Variants in IBTK observed in about 807,000 individuals in gnomAD.
IBTK encodes the protein inhibitor of Bruton tyrosine kinase.
Under a neutral mutation model 154.9 loss-of-function variants are expected in IBTK, and 83 were observed. The observed-to-expected ratio is 0.54, with a 90% CI of 0.45 to 0.64. The LOEUF (loss-of-function observed/expected upper bound fraction) is 0.64. Among genes scored for constraint, IBTK ranks in the 30% least tolerant of loss-of-function variants. The pLI is 0.00. For missense variants in IBTK, 1,332 were observed against 1,584.6 expected, an observed-to-expected ratio of 0.84 and a Z score of 2.71; for synonymous variants, 515 against 536.1, an observed-to-expected ratio of 0.96 and a Z score of 0.54.
intron 16 of IBTK, among the ~76,000 whole-genome samples, chr6:82,209,213 T>A (rs1769533226): frequency 6.6e-6 from 1 of 152,164 alleles, no homozygotes; most frequent in South Asian, 2.1e-4. Flanking sequence ...GCATTTCCGC[T>A]TCTAGGTATA....
rs556037281 is a variant in IBTK, at chr6:82,238,765, G to A, written c.321+1401C>T. Among the ~76,000 whole-genome samples, 11 of 151,850 alleles carry A rather than the reference G, an allele frequency of 7.2e-5. No homozygotes were observed. The South Asian group carries it at 2.3e-3, about 32-fold the overall frequency. ...CATCAATTTCTTTTTTTGAGACAGA[G>A]TCTCACTCTGTCGCCTAGGCTGGAG... On this transcript the variant is annotated intron_variant, in intron 2 of 28. Transcript: ENST00000306270.
chr6:82,240,843 C>T lies in IBTK; in HGVS notation c.-357G>A, dbSNP rs1471725083. On this transcript the variant is annotated splice_region_variant and 5_prime_UTR_variant, in exon 2 of 29. Coordinates refer to ENST00000306270, the MANE Select transcript of IBTK (RefSeq NM_015525.4). Reference sequence around the variant, plus strand: ...TAAATATCCATAATTGCAAGGGTGACCTATAAGAGAAAGAGAAGAGAAAAT... The same window carrying T: ...TAAATATCCATAATTGCAAGGGTGATCTATAAGAGAAAGAGAAGAGAAAAT... The T allele has an allele frequency of 7.4e-6, 3 of 406,596 alleles. No individual in the cohort carries two copies. Among genetic ancestry groups the T allele is most frequent in the Non-Finnish European group, 1.3e-5 (3 of 231,256 alleles). The allele number at this position is 406,596 out of a possible 1,614,324, so 25.2% of individuals were successfully genotyped here.
chr6:82,179,627 C>G (rs1768237355), intron 26 of IBTK, among the ~76,000 whole-genome samples: 1 of 152,150 alleles, frequency 6.6e-6, no homozygotes, highest in Non-Finnish European at 1.5e-5. Context: ...ATACAAAGGT[C>G]ACTGTTGAAC....
At chr6:82,236,642 A>G (rs544680738) in intron 2 of IBTK, among the ~76,000 whole-genome samples, 10 of 152,340 alleles carry the variant, frequency 6.6e-5, no homozygotes, top group African/African-American at 2.4e-4. Context: ...GCATTAAGAA[A>G]CTGACAATTT....
rs753509381 is a variant in IBTK, at chr6:82,181,940, C to T, written c.3664G>A (p.Asp1222Asn). The T allele has an allele frequency of 9.4e-6, 15 of 1,598,536 alleles. No homozygotes were observed. Among genetic ancestry groups the T allele is most frequent in the Non-Finnish European group, 4.3e-6 (5 of 1,176,424 alleles). Residue 1222 changes from aspartate (D) to asparagine (N), a missense_variant, in exon 26 of 29, where the codon GAT becomes AAT. By Grantham distance (23) the Asp-to-Asn change is conservative (BLOSUM62 1). Transcript: ENST00000306270. Reference protein sequence around the residue: ...KKSVTSHSSGDHVKKVSFKGI... With the variant: ...KKSVTSHSSGNHVKKVSFKGI... The stretch of plus-strand genomic sequence containing the variant: ...TTAAAAGAAACTTTTTTGACATGAT[C>T]GCCTGAACTATGGCTAGTAACAGAC...
intron 11 of IBTK, 66 bp from the exon 12 acceptor site, chr6:82,214,895 C>A (rs1769812629): frequency 6.8e-7 from 1 of 1,465,298 alleles, no homozygotes; most frequent in Non-Finnish European, 9.1e-7. Context: ...TCATACCTAG[C>A]CAATTCTCCT....
chr6:82,244,080 T>C (rs1017394049), intron 1 of IBTK, among the ~76,000 whole-genome samples: 1 of 152,154 alleles, frequency 6.6e-6, no homozygotes, highest in African/African-American at 2.4e-5. Flanking sequence ...AATGACATAA[T>C]CTCTCCAAGT....
At chr6:82,207,156 T>C (rs1769445840) in intron 16 of IBTK, among the ~76,000 whole-genome samples, 1 of 152,112 alleles carries the variant, frequency 6.6e-6, no homozygotes, top group Admixed American at 6.5e-5. Flanking sequence ...CATCTCTATT[T>C]GCAGATGACA....
At position 82,240,500 on chromosome 6, in the gene IBTK, A is replaced by G; in HGVS notation, c.-14T>C. 1 of 1,600,454 alleles carries G rather than the reference A, an allele frequency of 6.2e-7. No individual in the cohort carries two copies. The stretch of plus-strand genomic sequence containing the variant: ...GGGTGAACTCATCCTAACTGTTTTT[A>G]TACCACTTACTTCAGAATCGTGAAA... On this transcript the variant is annotated 5_prime_UTR_variant, in exon 2 of 29. Coordinates refer to ENST00000306270, the MANE Select transcript of IBTK (RefSeq NM_015525.4).
chr6:82,176,521 CAAAAA>C (rs749153646), intron 26 of IBTK, among the ~76,000 whole-genome samples: 3 of 61,486 alleles, frequency 4.9e-5, no homozygotes, highest in Admixed American at 1.7e-4. Context: ...GAGTCCGTCT[CAAAAA>C]AAAAAAAAAA....
In IBTK at chr6:82,171,547, G is replaced by C; in HGVS notation, c.3940C>G (p.His1314Asp). ...KPLALIQIEE[H>D]AIQDLLVFYE... ...AAAACCAATAAATCTTGTATGGCAT[G>C]CTCCTCAATCTGAAAGGAGGAAGGG... Residue 1314 changes from histidine to aspartate, a missense_variant, in exon 29 of 29, where the codon CAT (histidine) becomes GAT (aspartate). Physicochemically the swap from His to Asp is moderately conservative, Grantham distance 81. Around this residue, in one of 3 missense-constraint regions of IBTK, gnomAD observed 1,134 missense variants for 1,274.7 expected, o/e 0.89. Transcript: ENST00000306270. The C allele has an allele frequency of 6.3e-7, 1 of 1,598,346 alleles. No homozygotes were observed. Among genetic ancestry groups the C allele is most frequent in the Non-Finnish European group, 8.5e-7 (1 of 1,170,384 alleles).
intron 25 of IBTK, among the ~76,000 whole-genome samples, chr6:82,182,681 A>G (rs192358723): frequency 1.3e-5 from 2 of 152,196 alleles, no homozygotes; most frequent in Admixed American, 1.3e-4. Context: ...AAAACAAAGA[A>G]AACCATATTT....
intron 2 of IBTK, among the ~76,000 whole-genome samples, chr6:82,237,450 G>GA (rs901523943): frequency 2.7e-5 from 4 of 150,088 alleles, no homozygotes; most frequent in African/African-American, 4.9e-5. Flanking sequence ...CCCTGGGGGG[G>GA]AAAAAAAAAG....
At chr6:82,190,430 T>C (rs1172051523) in intron 25 of IBTK, among the ~76,000 whole-genome samples, 4 of 152,122 alleles carry the variant, frequency 2.6e-5, no homozygotes, top group Non-Finnish European at 5.9e-5. Context: ...TCCAGATATT[T>C]TAAGTTACAA....
rs1168835483 is a variant in IBTK, at chr6:82,233,737, G to T, written c.418+422C>A. On this transcript the variant is annotated intron_variant, in intron 3 of 28. Coordinates refer to ENST00000306270, the MANE Select transcript of IBTK (RefSeq NM_015525.4). ...TTTTTTTTTTTTTTTTTTTTGAGAC[G>T]AAGTCTAGCTCTATCACCCAGGCTG... Among the ~76,000 whole-genome samples, 16 of 107,096 alleles carry T rather than the reference G, an allele frequency of 1.5e-4. No individual in the cohort carries two copies. The South Asian group carries it at 4.7e-3, about 31-fold the overall frequency. The allele number at this position is 107,096 out of a possible 152,430, so 70.3% of individuals were successfully genotyped here.
chr6:82,200,561 G>T, intron 20 of IBTK, 26 bp downstream of exon 20: 1 of 1,074,642 alleles, frequency 9.3e-7, no homozygotes. Flanking sequence ...AGGAGGAAAA[G>T]AAAAAAAAAA....
Position 82,247,552 on chromosome 6 carries a change from C to A in IBTK, c.-358+10G>T. 1 of 398,998 alleles carries A rather than the reference C, an allele frequency of 2.5e-6. No individual in the cohort carries two copies. The highest frequency in any genetic ancestry group is 4.4e-6 in the Non-Finnish European group (1 of 226,364). The allele number at this position is 398,998 out of a possible 1,614,324, so 24.7% of individuals were successfully genotyped here. On this transcript the variant is annotated intron_variant, in intron 1 of 28. Transcript: ENST00000306270. ...ACCGCACGGTCGGGCAGCGCCAAGC[C>A]CTCCCTCACCAGTCGCTAGATGAAA...
At chr6:82,194,451 C>G in intron 23 of IBTK, 28 bp downstream of exon 23, 1 of 1,379,254 alleles carries the variant, frequency 7.3e-7, no homozygotes, top group Non-Finnish European at 9.6e-7. Context: ...CTCAAACTAA[C>G]AGTTATAGAA....
chr6:82,197,996 C>A (rs550454279), intron 21 of IBTK, among the ~76,000 whole-genome samples: 2 of 152,264 alleles, frequency 1.3e-5, no homozygotes, highest in South Asian at 4.1e-4. Flanking sequence ...ACAGAAAGAA[C>A]AGTACACCAG....
Sources: allele counts gnomAD v4.1 joint callset (sites outside exome capture counted in the v4.1 genomes callset), GRCh38; gene constraint gnomAD v4.1.1; regional missense constraint gnomAD v4.1.1; transcripts MANE v1.5; gene names NCBI Gene and HGNC (gene_info 2026-07-23, HGNC 2026-07-21).